Variants in ATP6V1C1 observed in about 807,000 individuals in gnomAD.
ATP6V1C1 encodes V-type proton ATPase subunit C 1.
A neutral mutation model predicts 53.9 loss-of-function variants in ATP6V1C1; 45 were observed. That is an observed-to-expected ratio of 0.83 (90% CI 0.66 to 1.07). The LOEUF is 1.07. ATP6V1C1 is among the 50% of genes least tolerant of loss of function. ATP6V1C1 has a pLI of 0.00. For missense variants in ATP6V1C1, 315 were observed against 440.3 expected, an observed-to-expected ratio of 0.72 and a Z score of 2.55; for synonymous variants, 153 against 155.2, an observed-to-expected ratio of 0.99 and a Z score of 0.11.
intron 1 of ATP6V1C1, among the ~76,000 whole-genome samples, chr8:103,031,738 C>T (rs1360585578): frequency 2.0e-5 from 3 of 152,042 alleles, no homozygotes; most frequent in East Asian, 3.8e-4. Flanking sequence ...CAAAGTAAAA[C>T]ACAGTGAGAA....
chr8:103,056,499 T>G (rs1158199343), intron 8 of ATP6V1C1, among the ~76,000 whole-genome samples: 1 of 152,218 alleles, frequency 6.6e-6, no homozygotes, highest in African/African-American at 2.4e-5. Context: ...AATTTGAAAT[T>G]TACAACAAGT....
intron 8 of ATP6V1C1, among the ~76,000 whole-genome samples, chr8:103,061,646 G>A (rs1350453823): frequency 6.6e-6 from 1 of 152,168 alleles, no homozygotes; most frequent in Non-Finnish European, 1.5e-5. Context: ...ATGGGTATAT[G>A]CGTATGTCCA....
chr8:103,048,107 A>C (rs573718898), intron 3 of ATP6V1C1, among the ~76,000 whole-genome samples: 18 of 152,344 alleles, frequency 1.2e-4, no homozygotes, highest in Admixed American at 5.2e-4. Context: ...ACATGTTTCT[A>C]GTCACAGCTC....
At chr8:103,039,891 G>C (rs1361603851) in intron 1 of ATP6V1C1, among the ~76,000 whole-genome samples, 1 of 151,874 alleles carries the variant, frequency 6.6e-6, no homozygotes, top group Non-Finnish European at 1.5e-5. Context: ...TAGCCAAGCA[G>C]ATTGGCAAGA....
chr8:103,057,399 T>G (rs1817306245), intron 8 of ATP6V1C1, among the ~76,000 whole-genome samples: 1 of 152,222 alleles, frequency 6.6e-6, no homozygotes, highest in African/African-American at 2.4e-5. Context: ...AAGTTATACT[T>G]CTATGCGAAT....
intron 1 of ATP6V1C1, among the ~76,000 whole-genome samples, chr8:103,036,323 G>A (rs1816898620): frequency 6.6e-6 from 1 of 152,188 alleles, no homozygotes; most frequent in Non-Finnish European, 1.5e-5. Flanking sequence ...CACAACATCA[G>A]ACTTAGAAGG....
chr8:103,040,904 A>C lies in ATP6V1C1; in HGVS notation c.68A>C (p.His23Pro). 1.2e-6 allele frequency: 2 copies of C among 1,614,150 alleles called. No individual in the cohort carries two copies. The highest frequency in any genetic ancestry group is 1.7e-6 in the Non-Finnish European group (2 of 1,179,982). Reference protein sequence around the residue: ...KTCQQTWEKLHAATSKNNNLA... With the variant: ...KTCQQTWEKLPAATSKNNNLA... ...TGTCAGCAAACATGGGAGAAATTGC[A>C]TGCGGCAACTTCAAAGAACAATAAT... Residue 23 changes from histidine to proline, a missense_variant, in exon 2 of 13, where the codon CAT becomes CCT. Physicochemically the swap from His to Pro is moderately conservative, Grantham distance 77 (BLOSUM62 -2). Coordinates refer to ENST00000518738, the MANE Select transcript of ATP6V1C1 (RefSeq NM_001695.5).
intron 1 of ATP6V1C1, among the ~76,000 whole-genome samples, chr8:103,036,955 T>C (rs1816909570): frequency 6.6e-6 from 1 of 152,234 alleles, no homozygotes; most frequent in African/African-American, 2.4e-5. Flanking sequence ...AAAATCTCAA[T>C]TTTTCCAGAA....
chr8:103,065,228 T>C (rs1343595957), intron 11 of ATP6V1C1, among the ~76,000 whole-genome samples: 1 of 152,200 alleles, frequency 6.6e-6, no homozygotes, highest in Non-Finnish European at 1.5e-5. Flanking sequence ...TCTGGTCCAA[T>C]GTATGGGTTG....
At chr8:103,037,608 AT>A (rs1816921070) in intron 1 of ATP6V1C1, among the ~76,000 whole-genome samples, 1 of 152,206 alleles carries the variant, frequency 6.6e-6, no homozygotes, top group African/African-American at 2.4e-5. Context: ...CTGAATATCC[AT>A]TTTAAAGTTC....
intron 8 of ATP6V1C1, among the ~76,000 whole-genome samples, chr8:103,061,380 C>T (rs1345968044): frequency 1.3e-5 from 2 of 152,210 alleles, no homozygotes; most frequent in Non-Finnish European, 2.9e-5. Flanking sequence ...CTGTAATTGC[C>T]TCCTGAATTT....
chr8:103,063,572 G>A (rs1264109495), intron 10 of ATP6V1C1, among the ~76,000 whole-genome samples: 1 of 152,150 alleles, frequency 6.6e-6, no homozygotes, highest in Non-Finnish European at 1.5e-5. Flanking sequence ...TAACATCCTT[G>A]TAGGTGAAGG....
rs566999944 is a variant in ATP6V1C1 at position 103,056,318 on chromosome 8, C to T, written c.641+382C>T. On this transcript the variant is annotated intron_variant, in intron 8 of 12. Transcript: ENST00000518738. ...TATGTGTCTATAATTCCTCATTTTACTTGGCAAAGGAAGTGTACCAGAATG... is the reference window on the plus strand; with the variant it reads ...TATGTGTCTATAATTCCTCATTTTATTTGGCAAAGGAAGTGTACCAGAATG... Among the ~76,000 whole-genome samples the T allele has an allele frequency of 2.0e-5, 3 of 152,274 alleles. No individual in the cohort carries two copies. The East Asian group carries it at 5.8e-4, about 29-fold the overall frequency.
At chr8:103,031,435 G>A (rs1816794658) in intron 1 of ATP6V1C1, among the ~76,000 whole-genome samples, 1 of 152,200 alleles carries the variant, frequency 6.6e-6, no homozygotes. Context: ...GCTTCAGGAA[G>A]CTCTTGAGTC....
At chr8:103,058,931 C>T (rs780531957) in intron 8 of ATP6V1C1, among the ~76,000 whole-genome samples, 9 of 151,444 alleles carry the variant, frequency 5.9e-5, no homozygotes, top group Non-Finnish European at 8.8e-5. Context: ...TGTTGAAACA[C>T]TGTTCAGAAA....
At chr8:103,023,759 T>G (rs1816640911) in intron 1 of ATP6V1C1, among the ~76,000 whole-genome samples, 1 of 152,220 alleles carries the variant, frequency 6.6e-6, no homozygotes, top group Admixed American at 6.5e-5. Flanking sequence ...GTAAAGTGAT[T>G]TGGCTGAGTC....
At chr8:103,059,098 T>G (rs957245472) in intron 8 of ATP6V1C1, among the ~76,000 whole-genome samples, 4 of 152,174 alleles carry the variant, frequency 2.6e-5, no homozygotes, top group Non-Finnish European at 4.4e-5. Context: ...TCATGGATGC[T>G]TCACAGAGGT....
chr8:103,066,417 T>A lies in ATP6V1C1; in HGVS notation c.1023T>A (p.His341Gln). 1.2e-6 allele frequency: 2 copies of A among 1,611,674 alleles called. No homozygotes were observed. Among genetic ancestry groups the A allele is most frequent in the Non-Finnish European group, 1.7e-6 (2 of 1,179,460 alleles). The change falls in exon 12 of 13, where the codon CAT (histidine) becomes CAA (glutamine). Residue 341 changes from histidine to glutamine, a missense_variant. Coordinates refer to ENST00000518738, the MANE Select transcript of ATP6V1C1 (RefSeq NM_001695.5). ...LREVLHELYK[H>Q]LDSSAAAIID... The stretch of plus-strand genomic sequence containing the variant: ...AAGTATTACATGAATTGTATAAACA[T>A]CTAGACAGCAGTGCAGCAGCTATTA...
At chr8:103,032,958 T>A (rs957324437) in intron 1 of ATP6V1C1, among the ~76,000 whole-genome samples, 3 of 152,234 alleles carry the variant, frequency 2.0e-5, no homozygotes, top group Non-Finnish European at 4.4e-5. Flanking sequence ...AACTGGTGAA[T>A]GTATGAACAG....
Sources: allele counts gnomAD v4.1 joint callset (sites outside exome capture counted in the v4.1 genomes callset), GRCh38; gene constraint gnomAD v4.1.1; transcripts MANE v1.5; gene names NCBI Gene and HGNC (gene_info 2026-07-23, HGNC 2026-07-21).